SECISBP2L: variants seen among roughly 807,000 people sequenced by gnomAD.
The protein encoded by SECISBP2L is selenocysteine insertion sequence-binding protein 2-like.
A neutral mutation model predicts 114.7 loss-of-function variants in SECISBP2L; 43 were observed. The ratio of observed to expected loss-of-function variants is 0.38; its 90% CI spans 0.29 to 0.48. SECISBP2L has a LOEUF of 0.48. SECISBP2L is among the 20% of genes least tolerant of loss of function. The pLI is 0.98. For synonymous variants in SECISBP2L, 451 were observed against 439.7 expected, an observed-to-expected ratio of 1.03 and a Z score of -0.32; for missense variants, 1,136 against 1,301.1, an observed-to-expected ratio of 0.87 and a Z score of 1.95.
Position 49,011,875 on chromosome 15 carries a change from T to C in SECISBP2L, c.1732-12A>G, listed in dbSNP as rs1902444320. ...TCTTTTAAAATAACCTAAAAGTCAT[T>C]ACACTAGTCTTTAATTACAGATTAC... On this transcript the variant is annotated splice_polypyrimidine_tract_variant and intron_variant, in intron 12 of 17. Transcript: ENST00000559471. 6.2e-7 allele frequency: 1 copy of C among 1,613,034 alleles called. No individual in the cohort carries two copies. The highest frequency in any genetic ancestry group is 1.3e-5 in the African/African-American group (1 of 74,882).
Position 49,046,396 on chromosome 15 carries a change from G to T in SECISBP2L, c.-97C>A, listed in dbSNP as rs1446143647. 1.5e-6 allele frequency: 2 copies of T among 1,292,958 alleles called. No homozygotes were observed. The highest frequency in any genetic ancestry group is 6.2e-5 in the East Asian group (2 of 32,006). 80.1% of individuals were successfully genotyped at this position (1,292,958 alleles called of 1,614,324 possible). ...CCCGCTCGGGTCCAGACTGGGTTCC[G>T]GACCTCCGCCCCTATCTGGCTGGCC... On this transcript the variant is annotated 5_prime_UTR_variant, in exon 1 of 18. Coordinates refer to ENST00000559471, the MANE Select transcript of SECISBP2L (RefSeq NM_001193489.2).
At chr15:49,012,959 G>C in intron 11 of SECISBP2L, 142 bp from the exon 12 acceptor site, 1 of 745,036 alleles carries the variant, frequency 1.3e-6, no homozygotes, top group Non-Finnish European at 2.1e-6. Context: ...TACATGGCTA[G>C]GCAGTGTCCC....
At position 49,008,752 on chromosome 15, in the gene SECISBP2L, T is replaced by C. The variant is rs554889815; in HGVS notation, c.2027+464A>G. Reference sequence around the variant, plus strand: ...ACAGATGGGGTATCATATTCTGTGATCCCCCCAGTTATCTCAATTTAAGAA... The same window carrying C: ...ACAGATGGGGTATCATATTCTGTGACCCCCCCAGTTATCTCAATTTAAGAA... On this transcript the variant is annotated intron_variant, in intron 14 of 17. Coordinates refer to ENST00000559471, the MANE Select transcript of SECISBP2L (RefSeq NM_001193489.2). Among the ~76,000 whole-genome samples the C allele has an allele frequency of 3.0e-4, 45 of 152,292 alleles. 1 individual carries two copies. In the South Asian group the frequency reaches 9.1e-3, roughly 31 times the overall value.
intron 6 of SECISBP2L, among the ~76,000 whole-genome samples, chr15:49,027,710 G>A (rs1403545356): frequency 6.6e-6 from 1 of 151,576 alleles, no homozygotes; most frequent in African/African-American, 2.4e-5. Context: ...CCGGGTTCAA[G>A]CAATTCTCCT....
At chr15:49,018,792 C>T (rs934932190) in intron 8 of SECISBP2L, among the ~76,000 whole-genome samples, 1 of 152,110 alleles carries the variant, frequency 6.6e-6, no homozygotes, top group Non-Finnish European at 1.5e-5. Flanking sequence ...CCTGTCTCTG[C>T]GCTCAACTCT....
In SECISBP2L at chr15:49,027,353, A is replaced by C; in HGVS notation, c.1035+12T>G. On this transcript the variant is annotated intron_variant, in intron 7 of 17. Transcript: ENST00000559471. The stretch of plus-strand genomic sequence containing the variant: ...ATACCTAATCAATTTTCTCCAACCT[A>C]ATTCGAATTACCTGTGAATTATTTC... 6.3e-7 allele frequency: 1 copy of C among 1,581,272 alleles called. No homozygotes were observed. Among genetic ancestry groups the C allele is most frequent in the Non-Finnish European group, 8.7e-7 (1 of 1,152,246 alleles).
intron 7 of SECISBP2L, among the ~76,000 whole-genome samples, chr15:49,024,906 CAA>C (rs1902710124): frequency 6.6e-6 from 1 of 152,112 alleles, no homozygotes; most frequent in Non-Finnish European, 1.5e-5. Context: ...TATATATTTG[CAA>C]AGTTTTCTTT....
intron 14 of SECISBP2L, among the ~76,000 whole-genome samples, chr15:49,005,031 T>TA (rs1195059259): frequency 2.0e-5 from 3 of 152,182 alleles, no homozygotes; most frequent in Admixed American, 6.5e-5. Flanking sequence ...AGTGGGGTGT[T>TA]AAAGTCTCCC....
chr15:49,028,083 GA>G (rs1430586240), intron 6 of SECISBP2L, 60 bp downstream of exon 6: 8 of 1,463,514 alleles, frequency 5.5e-6, no homozygotes, highest in Middle Eastern at 1.7e-4. Context: ...TGCTTAAAAG[GA>G]AAACTCTGAT....
chr15:49,012,578 T>C (rs1902457340), intron 12 of SECISBP2L, 70 bp downstream of exon 12: 2 of 1,519,822 alleles, frequency 1.3e-6, no homozygotes, highest in Non-Finnish European at 9.0e-7. Flanking sequence ...CACCACAACC[T>C]ACTTTTACAA....
At chr15:49,028,219 A>G in intron 5 of SECISBP2L, 51 bp from the exon 6 acceptor site, 1 of 1,462,764 alleles carries the variant, frequency 6.8e-7, no homozygotes, top group Non-Finnish European at 9.3e-7. Flanking sequence ...AACCAACATT[A>G]TGTACTTTGC....
chr15:48,996,992 C>A (rs1351704843), intron 16 of SECISBP2L, among the ~76,000 whole-genome samples: 1 of 152,158 alleles, frequency 6.6e-6, no homozygotes, highest in African/African-American at 2.4e-5. Context: ...GGCATAACAC[C>A]TTACATGCCT....
At chr15:49,028,304 T>A in intron 5 of SECISBP2L, 136 bp from the exon 6 acceptor site, 5 of 985,140 alleles carry the variant, frequency 5.1e-6, no homozygotes, top group Non-Finnish European at 7.4e-6. Flanking sequence ...AAATGAATAT[T>A]TTTATTAATA....
chr15:49,032,394 C>A (rs189623121), intron 4 of SECISBP2L, among the ~76,000 whole-genome samples: 1 of 152,118 alleles, frequency 6.6e-6, no homozygotes, highest in African/African-American at 2.4e-5. Context: ...AATACTAATT[C>A]TTGTCTATTA....
rs924396471 is a variant in SECISBP2L, at chr15:48,989,808, C to G, written c.*2436G>C. The G allele has an allele frequency of 6.6e-6, 1 of 152,286 alleles. No individual in the cohort carries two copies. The highest frequency in any genetic ancestry group is 1.5e-5 in the Non-Finnish European group (1 of 68,008). 9.4% of individuals were successfully genotyped at this position (152,286 alleles called of 1,614,324 possible). On this transcript the variant is annotated 3_prime_UTR_variant, in exon 18 of 18. Transcript: ENST00000559471. ...AGGTCTTCAAAGAGCCAACCATGCC[C>G]ACTTCAAAAAATATATAAAAACTTT...
intron 14 of SECISBP2L, among the ~76,000 whole-genome samples, 196 bp from the exon 15 acceptor site, chr15:49,001,293 T>A (rs1208772094): frequency 6.6e-6 from 1 of 152,178 alleles, no homozygotes; most frequent in Non-Finnish European, 1.5e-5. Flanking sequence ...AGATATTCCT[T>A]GTTTCTGCAT....
At chr15:48,998,544 AAAAG>A (rs1489473928) in intron 16 of SECISBP2L, among the ~76,000 whole-genome samples, 1 of 152,230 alleles carries the variant, frequency 6.6e-6, no homozygotes, top group Non-Finnish European at 1.5e-5. Context: ...TTTACAATAT[AAAAG>A]AAAGAAAGAA....
chr15:49,018,902 T>C (rs1902588840), intron 8 of SECISBP2L, among the ~76,000 whole-genome samples: 1 of 152,172 alleles, frequency 6.6e-6, no homozygotes, highest in African/African-American at 2.4e-5. Flanking sequence ...TAATGTATCA[T>C]TCAGAGCACC....
chr15:49,000,997 C>A lies in SECISBP2L; in HGVS notation c.2128G>T (p.Val710Leu), dbSNP rs11854184. The A allele has an allele frequency of 0.19, 308,654 of 1,613,490 alleles. 32,626 individuals carry two copies. Among genetic ancestry groups the A allele is most frequent in the Non-Finnish European group, 0.22 (255,848 of 1,179,682 alleles). The change falls in exon 15 of 18, where the codon GTA becomes TTA. Residue 710 changes from valine to leucine, a missense_variant. By Grantham distance (32) the Val-to-Leu change is conservative (BLOSUM62 1). This residue lies in a region of SECISBP2L where 684 missense variants were observed against 848.7 expected (regional missense o/e 0.81). Coordinates refer to ENST00000559471, the MANE Select transcript of SECISBP2L (RefSeq NM_001193489.2). ...FQERIYQKDP[V>L]RAKARRRLVM... is the part of the protein sequence containing the mutation. Reference sequence around the variant, plus strand: ...AGTCGTCTCCTTGCTTTTGCTCTTACAGGATCTTTTTGGTAGATGCGTTCC... The same window carrying A: ...AGTCGTCTCCTTGCTTTTGCTCTTAAAGGATCTTTTTGGTAGATGCGTTCC...
Sources: gnomAD v4.1 joint callset for allele counts (sites outside exome capture counted in the v4.1 genomes callset) on GRCh38, gnomAD v4.1.1 for gene constraint, gnomAD v4.1.1 regional missense constraint, MANE v1.5 for transcripts, NCBI Gene and HGNC (gene_info 2026-07-23, HGNC 2026-07-21) for gene names.